The following LRFN5 variants were observed in gnomAD, a reference collection of about 807,000 sequenced individuals.
LRFN5 encodes the protein leucine rich repeat and fibronectin type III domain containing 5, also known as leucine-rich repeat and fibronectin type-III domain-containing protein 5.
In LRFN5, 24 loss-of-function variants were observed where a neutral mutation model predicts 45.6. The ratio of observed to expected loss-of-function variants is 0.53; its 90% CI spans 0.38 to 0.74. The LOEUF is 0.74. LRFN5 is among the 30% of genes least tolerant of loss of function. The pLI, the probability that LRFN5 is intolerant of heterozygous loss-of-function variation, is 0.00. For missense variants in LRFN5, 776 were observed against 861.5 expected (o/e 0.90, Z 1.24); for synonymous variants, 340 against 313.8 (o/e 1.08, Z -0.88).
chr14:41,664,776 C>G (rs1319269619), intron 1 of LRFN5, among the ~76,000 whole-genome samples: 1 of 152,026 alleles, frequency 6.6e-6, no homozygotes. Context: ...TATTTTTCTA[C>G]TCTGAGAGAG....
intron 1 of LRFN5, among the ~76,000 whole-genome samples, chr14:41,650,895 G>C (rs1880086904): frequency 8.2e-6 from 1 of 121,632 alleles, no homozygotes; most frequent in South Asian, 3.2e-4. Context: ...AAGAGAGAGA[G>C]AGAGGGAGGG....
intron 2 of LRFN5, among the ~76,000 whole-genome samples, chr14:41,814,367 T>G (rs1365498737): frequency 6.6e-6 from 1 of 152,188 alleles, no homozygotes; most frequent in Non-Finnish European, 1.5e-5. Context: ...TCTTTTTTAC[T>G]GGCAATCAAT....
At chr14:41,892,464 T>A (rs1472921758) in intron 4 of LRFN5, 25 of 982,446 alleles carry the variant, frequency 2.5e-5, no homozygotes, top group Non-Finnish European at 3.0e-5. Context: ...TGAAAATTGT[T>A]GTAGAAAAAA....
chr14:41,643,690 G>C (rs1879685297), intron 1 of LRFN5, among the ~76,000 whole-genome samples: 1 of 149,398 alleles, frequency 6.7e-6, no homozygotes, highest in African/African-American at 2.5e-5. Flanking sequence ...ACGTGAGAGT[G>C]CACACATAGA....
At chr14:41,853,571 T>C (rs547005908) in intron 2 of LRFN5, among the ~76,000 whole-genome samples, 1 of 152,152 alleles carries the variant, frequency 6.6e-6, no homozygotes, top group East Asian at 1.9e-4. Context: ...TTGGGTTACA[T>C]TAGGTTTCCA....
intron 1 of LRFN5, among the ~76,000 whole-genome samples, chr14:41,686,932 T>C (rs1882149303): frequency 6.6e-6 from 1 of 152,194 alleles, no homozygotes; most frequent in Non-Finnish European, 1.5e-5. Context: ...TTTTTTGTTG[T>C]GTCTCTTCCC....
intron 1 of LRFN5, among the ~76,000 whole-genome samples, chr14:41,730,415 C>T (rs74046700): frequency 0.045 from 6,809 of 151,950 alleles, 339 homozygotes; most frequent in African/African-American, 0.12. Context: ...AGTGGCAATG[C>T]ACTTTGCTAG....
At chr14:41,863,816 A>G (rs1412961360) in intron 2 of LRFN5, among the ~76,000 whole-genome samples, 2 of 152,068 alleles carry the variant, frequency 1.3e-5, no homozygotes, top group African/African-American at 4.8e-5. Flanking sequence ...TATTTCTCCT[A>G]ATGCCATCCC....
At position 41,891,552 on chromosome 14, in the gene LRFN5, T is replaced by A. The variant is rs567711460; in HGVS notation, c.1688T>A (p.Val563Asp). ...TGCAACAATAATGGGCAACACAAGG[T>A]CACCAAGGTTAGCAATGTTTATTCC... ...KVCNNNGQHK[V>D]TKVSNVYSQT... The change falls in exon 4 of 6, where the codon GTC (valine) becomes GAC (aspartate). Residue 563 changes from valine (V) to aspartate (D), a missense_variant. Val to Asp is a radical substitution (Grantham distance 152). This residue lies in a region of LRFN5 where 465 missense variants were observed against 456.4 expected (regional missense o/e 1.02). Transcript: ENST00000298119. 6.2e-7 allele frequency: 1 copy of A among 1,614,180 alleles called. No individual in the cohort carries two copies. Among genetic ancestry groups the A allele is most frequent in the African/African-American group, 1.3e-5 (1 of 75,032 alleles).
At chr14:41,752,638 C>G (rs533480301) in intron 1 of LRFN5, among the ~76,000 whole-genome samples, 66 of 152,028 alleles carry the variant, frequency 4.3e-4, no homozygotes, top group Admixed American at 2.8e-3. Context: ...AAATTTGTTT[C>G]AGTTCATTGT....
At chr14:41,756,313 G>T (rs1359162074) in intron 1 of LRFN5, among the ~76,000 whole-genome samples, 1 of 152,186 alleles carries the variant, frequency 6.6e-6, no homozygotes, top group Non-Finnish European at 1.5e-5. Context: ...ATGTTGGTCT[G>T]CCTCGCTAGA....
chr14:41,676,987 G>A (rs1166588624), intron 1 of LRFN5, among the ~76,000 whole-genome samples: 1 of 152,180 alleles, frequency 6.6e-6, no homozygotes, highest in Non-Finnish European at 1.5e-5. Flanking sequence ...CTATCAGCCT[G>A]CACAACACAC....
intron 1 of LRFN5, among the ~76,000 whole-genome samples, chr14:41,625,487 T>C (rs1888296433): frequency 6.6e-6 from 1 of 152,154 alleles, no homozygotes; most frequent in African/African-American, 2.4e-5. Flanking sequence ...TAAACCTCCT[T>C]ATAAATTACC....
chr14:41,823,691 T>C (rs1487988644), intron 2 of LRFN5, among the ~76,000 whole-genome samples: 4 of 152,130 alleles, frequency 2.6e-5, no homozygotes, highest in Non-Finnish European at 5.9e-5. Flanking sequence ...TTTAAATCTC[T>C]GGCAGCACTA....
intron 1 of LRFN5, among the ~76,000 whole-genome samples, chr14:41,709,507 C>T (rs184648448): frequency 1.3e-4 from 19 of 152,000 alleles, no homozygotes; most frequent in Admixed American, 3.9e-4. Flanking sequence ...GTATTAATTC[C>T]TTTTTTATAT....
At chr14:41,740,469 T>C (rs1884643554) in intron 1 of LRFN5, among the ~76,000 whole-genome samples, 1 of 151,962 alleles carries the variant, frequency 6.6e-6, no homozygotes. Context: ...ATTTTCTCAA[T>C]AGATACAGAA....
At chr14:41,781,672 AAGAAAGAAAG>A (rs1375543977) in intron 2 of LRFN5, among the ~76,000 whole-genome samples, 72 of 151,704 alleles carry the variant, frequency 4.7e-4, no homozygotes, top group Non-Finnish European at 8.7e-4. Context: ...AAAGGAAAGA[AAGAAAGAAAG>A]AGAAAGAAAG....
chr14:41,750,084 A>G (rs182007231), intron 1 of LRFN5, among the ~76,000 whole-genome samples: 1 of 152,098 alleles, frequency 6.6e-6, no homozygotes, highest in East Asian at 1.9e-4. Flanking sequence ...AAGTTTAAAC[A>G]TATATTGTCC....
At chr14:41,757,889 A>G (rs1025384778) in intron 1 of LRFN5, among the ~76,000 whole-genome samples, 2 of 152,180 alleles carry the variant, frequency 1.3e-5, no homozygotes, top group Non-Finnish European at 2.9e-5. Flanking sequence ...CTATTCGGCC[A>G]TCTTGGCTCC....
Sources: gnomAD v4.1 joint callset for allele counts (sites outside exome capture counted in the v4.1 genomes callset) on GRCh38, gnomAD v4.1.1 for gene constraint, gnomAD v4.1.1 regional missense constraint, MANE v1.5 for transcripts, NCBI Gene and HGNC (gene_info 2026-07-23, HGNC 2026-07-21) for gene names.